Variants in SGCZ observed in about 807,000 individuals in gnomAD.
The protein encoded by SGCZ is sarcoglycan zeta.
In SGCZ, 40 loss-of-function variants were observed where a neutral mutation model predicts 41.3. The observed-to-expected ratio is 0.97, with a 90% confidence interval of 0.75 to 1.26. SGCZ has a LOEUF of 1.26. Among genes scored for constraint, SGCZ ranks in the 50% most tolerant of loss-of-function variants. The pLI, the probability that SGCZ is intolerant of heterozygous loss-of-function variation, is 0.00. For missense variants in SGCZ, 552 were observed against 369.8 expected, an observed-to-expected ratio of 1.49 and a Z score of -4.04; for synonymous variants, 206 against 137.5, an observed-to-expected ratio of 1.50 and a Z score of -3.49.
intron 1 of SGCZ, among the ~76,000 whole-genome samples, chr8:15,079,522 T>G (rs1805665433): frequency 1.3e-5 from 2 of 152,236 alleles, no homozygotes; most frequent in Non-Finnish European, 2.9e-5. Context: ...TAAGTTTGCC[T>G]TGAGAATTTA....
intron 3 of SGCZ, among the ~76,000 whole-genome samples, chr8:14,285,055 AT>A (rs923163332): frequency 3.3e-5 from 5 of 152,080 alleles, no homozygotes; most frequent in African/African-American, 1.2e-4. Context: ...GACTTATTAC[AT>A]TGATTCTTTT....
intron 2 of SGCZ, among the ~76,000 whole-genome samples, chr8:14,431,652 A>C (rs1350410467): frequency 2.0e-5 from 3 of 152,232 alleles, no homozygotes; most frequent in South Asian, 2.1e-4. Flanking sequence ...CAAAGAACCC[A>C]AAATCAAATG....
intron 1 of SGCZ, among the ~76,000 whole-genome samples, chr8:14,752,046 T>G (rs2130320562): frequency 7.1e-6 from 1 of 141,246 alleles, no homozygotes; most frequent in Admixed American, 7.7e-5. Context: ...AAGAGAGAAT[T>G]CAACCACAAA....
At chr8:14,993,254 G>A (rs774775259) in intron 1 of SGCZ, among the ~76,000 whole-genome samples, 6 of 151,990 alleles carry the variant, frequency 3.9e-5, no homozygotes, top group Non-Finnish European at 8.8e-5. Flanking sequence ...CCACAAGTCC[G>A]TTGTATGTAT....
At chr8:14,528,498 C>T (rs1403724672) in intron 2 of SGCZ, among the ~76,000 whole-genome samples, 1 of 152,020 alleles carries the variant, frequency 6.6e-6, no homozygotes, top group African/African-American at 2.4e-5. Context: ...CATAAAAAGT[C>T]CAACTTTGTT....
chr8:14,292,917 G>C (rs536544990), intron 3 of SGCZ, among the ~76,000 whole-genome samples: 2 of 151,952 alleles, frequency 1.3e-5, no homozygotes, highest in East Asian at 3.9e-4. Flanking sequence ...AATACACAAA[G>C]CACATGTTTA....
chr8:14,145,296 C>A (rs746515414), intron 5 of SGCZ, among the ~76,000 whole-genome samples: 3 of 152,106 alleles, frequency 2.0e-5, no homozygotes, highest in Non-Finnish European at 2.9e-5. Context: ...CCAGAGAATT[C>A]TCTCAGATCT....
intron 2 of SGCZ, among the ~76,000 whole-genome samples, chr8:14,464,621 T>G (rs527299003): frequency 6.6e-6 from 1 of 151,644 alleles, no homozygotes; most frequent in East Asian, 1.9e-4. Context: ...TTATGATTTC[T>G]TCCCTTCTGT....
chr8:14,152,982 AG>A (rs1803756051), intron 5 of SGCZ, among the ~76,000 whole-genome samples: 1 of 152,182 alleles, frequency 6.6e-6, no homozygotes, highest in Non-Finnish European at 1.5e-5. Context: ...TCAAAACTGT[AG>A]AAATGAAGAA....
chr8:14,514,680 T>TA (rs913087295), intron 2 of SGCZ, among the ~76,000 whole-genome samples: 1 of 149,376 alleles, frequency 6.7e-6, no homozygotes, highest in African/African-American at 2.4e-5. Flanking sequence ...TAAATATATA[T>TA]ACGTATATAT....
intron 1 of SGCZ, among the ~76,000 whole-genome samples, chr8:15,005,965 G>C (rs1802596456): frequency 6.6e-6 from 1 of 152,072 alleles, no homozygotes; most frequent in African/African-American, 2.4e-5. Context: ...TGAACTAACA[G>C]ATACTTTTTT....
chr8:15,220,090 A>G (rs1384579476), intron 1 of SGCZ, among the ~76,000 whole-genome samples: 2 of 152,208 alleles, frequency 1.3e-5, no homozygotes, highest in Admixed American at 6.5e-5. Context: ...AATTTCAAGA[A>G]CAAATTAAAA....
intron 1 of SGCZ, among the ~76,000 whole-genome samples, chr8:14,872,201 G>A (rs1804184841): frequency 6.6e-6 from 1 of 151,966 alleles, no homozygotes; most frequent in East Asian, 1.9e-4. Flanking sequence ...ATAGCATTAG[G>A]AGAAATACCT....
intron 3 of SGCZ, among the ~76,000 whole-genome samples, chr8:14,308,368 T>A (rs1585345021): frequency 6.6e-6 from 1 of 152,012 alleles, no homozygotes. Context: ...TGTAAAAAAA[T>A]TTGGATAGAG....
intron 1 of SGCZ, among the ~76,000 whole-genome samples, chr8:14,666,294 C>A (rs1807908248): frequency 6.6e-6 from 1 of 152,148 alleles, no homozygotes; most frequent in South Asian, 2.1e-4. Flanking sequence ...GTAATTTTCA[C>A]ATTGCTATTT....
intron 2 of SGCZ, among the ~76,000 whole-genome samples, chr8:14,476,622 T>G (rs569285561): frequency 2.0e-5 from 3 of 152,188 alleles, no homozygotes; most frequent in Non-Finnish European, 2.9e-5. Context: ...ATAAGATTAA[T>G]GATTCATTTA....
chr8:15,032,532 G>C (rs1398164957), intron 1 of SGCZ, among the ~76,000 whole-genome samples: 1 of 152,042 alleles, frequency 6.6e-6, no homozygotes, highest in Non-Finnish European at 1.5e-5. Context: ...TGAGCCCCCA[G>C]GTCCACCCTG....
At chr8:14,402,735 T>C (rs1799111774) in intron 2 of SGCZ, among the ~76,000 whole-genome samples, 1 of 147,350 alleles carries the variant, frequency 6.8e-6, no homozygotes, top group South Asian at 2.1e-4. Context: ...TGCCTCCAGC[T>C]TTGTTCTTTT....
intron 2 of SGCZ, among the ~76,000 whole-genome samples, chr8:14,349,726 C>A (rs1324077834): frequency 6.6e-6 from 1 of 152,108 alleles, no homozygotes; most frequent in South Asian, 2.1e-4. Context: ...TGTGTTAAAT[C>A]TTTGAAATTG....
Sources: gnomAD v4.1 joint callset for allele counts (sites outside exome capture counted in the v4.1 genomes callset) on GRCh38, gnomAD v4.1.1 for gene constraint, MANE v1.5 for transcripts, NCBI Gene and HGNC (gene_info 2026-07-23, HGNC 2026-07-21) for gene names.